Variants in CDCA7 observed in about 807,000 individuals in gnomAD.
The protein encoded by CDCA7 is cell division cycle-associated protein 7.
Under a neutral mutation model 54.0 loss-of-function variants are expected in CDCA7, and 28 were observed. The observed-to-expected ratio is 0.52, with a 90% CI of 0.38 to 0.71. The LOEUF (loss-of-function observed/expected upper bound fraction) is 0.71. CDCA7 is among the 30% of genes least tolerant of loss of function. The pLI is 0.00. For missense variants in CDCA7, 484 were observed against 586.0 expected (o/e 0.83, Z 1.80); for synonymous variants, 180 against 208.2 (o/e 0.86, Z 1.16).
chr2:173,358,637 AACT>A lies in CDCA7; in HGVS notation c.22-73_22-71del. ...TACTCTGTGCTGTTTGAACCTACTA[AACT>A]AAAAAAAAATGATGTCTTTAGTTAA... On this transcript the variant is annotated intron_variant, in intron 1 of 9. Coordinates refer to ENST00000306721, the MANE Select transcript of CDCA7 (RefSeq NM_031942.5). 6 of 1,530,344 alleles carry A rather than the reference AACT, an allele frequency of 3.9e-6. No homozygotes were observed. In the South Asian group the frequency reaches 5.1e-5, roughly 13 times the overall value. 94.8% of individuals were successfully genotyped at this position (1,530,344 alleles called of 1,614,324 possible).
Position 173,354,945 on chromosome 2 carries a change from C to G in CDCA7, c.-19C>G, listed in dbSNP as rs1043513925. 6.8e-7 allele frequency: 1 copy of G among 1,476,156 alleles called. No individual in the cohort carries two copies. Among genetic ancestry groups the G allele is most frequent in the African/African-American group, 1.5e-5 (1 of 68,200 alleles). 91.4% of individuals were successfully genotyped at this position (1,476,156 alleles called of 1,614,324 possible). On this transcript the variant is annotated 5_prime_UTR_variant, in exon 1 of 10. In the 5' UTR this introduces an upstream ATG that the reference lacks. Coordinates refer to ENST00000306721, the MANE Select transcript of CDCA7 (RefSeq NM_031942.5). ...CGCTCTCCCCGCTCCAAGCGCCGATCTGGGCACCCGCCACCAGCATGGACG... is the reference window on the plus strand; with the variant it reads ...CGCTCTCCCCGCTCCAAGCGCCGATGTGGGCACCCGCCACCAGCATGGACG...
At chr2:173,356,085 A>G (rs1686499023) in intron 1 of CDCA7, 1 of 152,236 alleles carries the variant, frequency 6.6e-6, no homozygotes, top group Non-Finnish European at 1.5e-5. Context: ...GTTGCAAAGA[A>G]TTAAACCTGA....
chr2:173,359,534 T>A lies in CDCA7; in HGVS notation c.384+43T>A, dbSNP rs1686581648. 2.0e-6 allele frequency: 3 copies of A among 1,506,748 alleles called. No individual in the cohort carries two copies. In the South Asian group the frequency reaches 3.5e-5, roughly 18 times the overall value. 93.3% of individuals were successfully genotyped at this position (1,506,748 alleles called of 1,614,324 possible). On this transcript the variant is annotated intron_variant, in intron 3 of 9. Coordinates refer to ENST00000306721, the MANE Select transcript of CDCA7 (RefSeq NM_031942.5). ...ACCAGTTTCAAGAAGTAAGATACAT[T>A]TAGAGGCATGACATATTTTTAGAAA...
chr2:173,366,145 G>C lies in CDCA7; in HGVS notation c.1036-138G>C, dbSNP rs1686715054. 4 of 954,298 alleles carry C rather than the reference G, an allele frequency of 4.2e-6. No individual in the cohort carries two copies. In the East Asian group the frequency reaches 1.0e-4, roughly 25 times the overall value. The allele number at this position is 954,298 out of a possible 1,614,324, so 59.1% of individuals were successfully genotyped here. On this transcript the variant is annotated intron_variant, in intron 7 of 9. Coordinates refer to ENST00000306721, the MANE Select transcript of CDCA7 (RefSeq NM_031942.5). The surrounding 1 kb of genome is among the most constrained non-coding windows in gnomAD (Gnocchi z 4.5). ...TGGTTGAGTTATTTTTCATACCCTG[G>C]CATATACATGTGTATGTAGAGATTC...
chr2:173,364,196 G>A (rs1686674717), intron 5 of CDCA7: 1 of 261,618 alleles, frequency 3.8e-6, no homozygotes, highest in Non-Finnish European at 7.2e-6. Flanking sequence ...CTGTTCTCCA[G>A]TGTGAGCACA....
rs899566075 is a variant in CDCA7, at chr2:173,359,431, T to C, written c.324T>C (p.His108=). The change falls in exon 3 of 10, where the codon CAT becomes CAC. Residue 108 remains histidine (H), a synonymous_variant. Transcript: ENST00000306721. ...CTAACGAACTGGCCGGTATTTTTCA[T>C]GCCGACTCTGACGATGAATCATTTT... ...DVTNELAGIF[H]ADSDDESFCG... 2 of 1,614,210 alleles carry C rather than the reference T, an allele frequency of 1.2e-6. No individual in the cohort carries two copies. Among genetic ancestry groups the C allele is most frequent in the Non-Finnish European group, 1.7e-6 (2 of 1,180,044 alleles).
intron 3 of CDCA7, 79 bp from the exon 4 acceptor site, chr2:173,363,147 C>T (rs1686654544): frequency 3.7e-6 from 5 of 1,341,046 alleles, no homozygotes; most frequent in African/African-American, 2.9e-5. Flanking sequence ...ACAAGTGTCT[C>T]ATTGAAAAGG....
chr2:173,363,107 G>T (rs1209964445), intron 3 of CDCA7, 119 bp from the exon 4 acceptor site: 1 of 936,362 alleles, frequency 1.1e-6, no homozygotes, highest in African/African-American at 1.6e-5. Context: ...TTACCCAGAG[G>T]TATCAATGTT....
At chr2:173,358,399 A>C in intron 1 of CDCA7, 1 of 177,886 alleles carries the variant, frequency 5.6e-6, no homozygotes. Context: ...GCATGGTGGC[A>C]CATGCATGTA....
At chr2:173,358,533 C>G (rs1686555497) in intron 1 of CDCA7, 179 bp from the exon 2 acceptor site, 1 of 565,308 alleles carries the variant, frequency 1.8e-6, no homozygotes, top group African/African-American at 1.9e-5. Context: ...CTGCTTCTTA[C>G]AAAAAAAAGA....
In CDCA7 at chr2:173,354,959, C is replaced by A; in HGVS notation, c.-5C>A. ...CAAGCGCCGATCTGGGCACCCGCCA[C>A]CAGCATGGACGCTCGCCGCGTGCCG... On this transcript the variant is annotated 5_prime_UTR_variant, in exon 1 of 10. Coordinates refer to ENST00000306721, the MANE Select transcript of CDCA7 (RefSeq NM_031942.5). 6.8e-7 allele frequency: 1 copy of A among 1,460,046 alleles called. No individual in the cohort carries two copies. Among genetic ancestry groups the A allele is most frequent in the Non-Finnish European group, 9.0e-7 (1 of 1,114,180 alleles). The allele number at this position is 1,460,046 out of a possible 1,614,324, so 90.4% of individuals were successfully genotyped here.
At chr2:173,359,550 T>C (rs898018459) in intron 3 of CDCA7, 59 bp downstream of exon 3, 1 of 1,418,240 alleles carries the variant, frequency 7.1e-7, no homozygotes, top group African/African-American at 1.4e-5. Context: ...GCATGACATA[T>C]TTTTAGAAAT....
rs769690900 is a variant in CDCA7 at position 173,366,254 on chromosome 2, T to TG, written c.1036-28dup. The TG allele has an allele frequency of 2.5e-6, 3 of 1,190,212 alleles. No individual in the cohort carries two copies. Among genetic ancestry groups the TG allele is most frequent in the Middle Eastern group, 2.2e-4 (1 of 4,576 alleles). 73.7% of individuals were successfully genotyped at this position (1,190,212 alleles called of 1,614,324 possible). A position where few individuals can be genotyped will look rare whatever the true frequency, so the allele number is the denominator to read the frequency against. On this transcript the variant is annotated intron_variant, in intron 7 of 9. Transcript: ENST00000306721. The surrounding 1 kb of genome is among the most constrained non-coding windows in gnomAD (Gnocchi z 4.5). ...TCTGTTGAAAAACAGTGGTTTTTTTTGTTTTTTTTCTTAATGGCTTATTTG... is the reference window on the plus strand; with the variant it reads ...TCTGTTGAAAAACAGTGGTTTTTTTTGGTTTTTTTTCTTAATGGCTTATTTG...
At position 173,365,447 on chromosome 2, in the gene CDCA7, T is replaced by C. The variant is rs2288992; in HGVS notation, c.895-5T>C. The C allele has an allele frequency of 1.0e-4, 164 of 1,606,888 alleles. No individual in the cohort carries two copies. In the East Asian group the frequency reaches 3.4e-3, roughly 33 times the overall value. On this transcript the variant is annotated splice_polypyrimidine_tract_variant and splice_region_variant and intron_variant, in intron 6 of 9. Transcript: ENST00000306721. ...GTTCTGTGTTTTGTATTCCTTGTAA[T>C]GCAGGAAGATGACCTGCCCAGAAGC...
In CDCA7 at chr2:173,367,783, C is replaced by G; in HGVS notation, c.*119C>G. 1 of 1,054,818 alleles carries G rather than the reference C, an allele frequency of 9.5e-7. No individual in the cohort carries two copies. Among genetic ancestry groups the G allele is most frequent in the Non-Finnish European group, 1.5e-6 (1 of 676,296 alleles). 65.3% of individuals were successfully genotyped at this position (1,054,818 alleles called of 1,614,324 possible). ...TGATCAGCCTGTTTCATAAGAAACT[C>G]CAATCAAGTTAATCTTAGCAGACAT... On this transcript the variant is annotated 3_prime_UTR_variant, in exon 10 of 10. Coordinates refer to ENST00000306721, the MANE Select transcript of CDCA7 (RefSeq NM_031942.5).
At chr2:173,355,947 T>TGTA (rs1168850140) in intron 1 of CDCA7, among the ~76,000 whole-genome samples, 1 of 152,148 alleles carries the variant, frequency 6.6e-6, no homozygotes, top group Non-Finnish European at 1.5e-5. Flanking sequence ...GAAAACCATG[T>TGTA]GTAGCTGGTC....
In CDCA7 at chr2:173,365,721, CAAGG is replaced by C. The variant is rs916661897; in HGVS notation, c.1035+136_1035+139del. On this transcript the variant is annotated intron_variant, in intron 7 of 9. Transcript: ENST00000306721. ...TCTGTACCTATATGTTTTTTTCACA[CAAGG>C]AAGGAAAAGTTTTACAGTATCCCTG... 1.1e-5 allele frequency: 12 copies of C among 1,044,424 alleles called. No homozygotes were observed. The Admixed American group carries it at 3.5e-4, about 30-fold the overall frequency. 64.7% of individuals were successfully genotyped at this position (1,044,424 alleles called of 1,614,324 possible).
chr2:173,359,792 A>C (rs1365166257), intron 3 of CDCA7, among the ~76,000 whole-genome samples: 1 of 152,174 alleles, frequency 6.6e-6, no homozygotes, highest in Non-Finnish European at 1.5e-5. Flanking sequence ...ACTAGTTCTA[A>C]ATATTATCTA....
rs975016158 is a variant in CDCA7 at position 173,367,829 on chromosome 2, A to T, written c.*165A>T. ...GACATGTGTTTCTGGAGCATCACAG[A>T]AGGTATATTGCTAGTTACACTTTGC... On this transcript the variant is annotated 3_prime_UTR_variant, in exon 10 of 10. Transcript: ENST00000306721. 1 of 764,824 alleles carries T rather than the reference A, an allele frequency of 1.3e-6. No individual in the cohort carries two copies. Among genetic ancestry groups the T allele is most frequent in the Non-Finnish European group, 2.2e-6 (1 of 448,582 alleles). The allele number at this position is 764,824 out of a possible 1,614,324, so 47.4% of individuals were successfully genotyped here. A position where few individuals can be genotyped will look rare whatever the true frequency, so the allele number is the denominator to read the frequency against.
Sources: allele counts gnomAD v4.1 joint callset (sites outside exome capture counted in the v4.1 genomes callset), GRCh38; gene constraint gnomAD v4.1.1; non-coding constraint Gnocchi (gnomAD v3.1); transcripts MANE v1.5; gene names NCBI Gene and HGNC (gene_info 2026-07-23, HGNC 2026-07-21).